Variants in FSTL5 observed in about 807,000 individuals in gnomAD.
The protein encoded by FSTL5 is follistatin like 5.
A neutral mutation model predicts 89.1 loss-of-function variants in FSTL5; 62 were observed. That is an observed-to-expected ratio of 0.70 (90% confidence interval 0.57 to 0.86). FSTL5 has a LOEUF of 0.86. Among genes scored for constraint, FSTL5 ranks in the 40% least tolerant of loss-of-function variants. The pLI, the probability that FSTL5 is intolerant of heterozygous loss-of-function variation, is 0.00. For missense variants in FSTL5, 1,057 were observed against 1,001.6 expected, an observed-to-expected ratio of 1.06 and a Z score of -0.75; for synonymous variants, 383 against 346.2, an observed-to-expected ratio of 1.11 and a Z score of -1.18.
At chr4:161,567,801 T>A (rs555778030) in intron 8 of FSTL5, among the ~76,000 whole-genome samples, 144 of 36,194 alleles carry the variant, frequency 4.0e-3, no homozygotes, top group African/African-American at 0.014. Context: ...AACAAGAGAA[T>A]CTACACGTCT....
Position 161,542,527 on chromosome 4 carries a change from A to C in FSTL5, c.1177+5T>G. 1 of 1,431,336 alleles carries C rather than the reference A, an allele frequency of 7.0e-7. No homozygotes were observed. Among genetic ancestry groups the C allele is most frequent in the South Asian group, 1.7e-5 (1 of 60,562 alleles). 88.7% of individuals were successfully genotyped at this position (1,431,336 alleles called of 1,614,324 possible). On this transcript the variant is annotated splice_donor_5th_base_variant and intron_variant, in intron 9 of 15. Coordinates refer to ENST00000306100, the MANE Select transcript of FSTL5 (RefSeq NM_020116.5). ...TTAAGAGAAAAAAAAGCAAGTAAAA[A>C]GCACCTTGAAGCGTGAGTTGTTTGG...
chr4:161,389,138 A>G (rs1451581324), intron 15 of FSTL5, among the ~76,000 whole-genome samples: 1 of 152,056 alleles, frequency 6.6e-6, no homozygotes, highest in Non-Finnish European at 1.5e-5. Flanking sequence ...TGATATTCAG[A>G]AGTCTCCCAC....
chr4:162,088,311 G>A (rs1278947817), intron 2 of FSTL5, among the ~76,000 whole-genome samples: 5 of 151,894 alleles, frequency 3.3e-5, no homozygotes, highest in Non-Finnish European at 7.4e-5. Flanking sequence ...ATACAGAAAT[G>A]TATAGAATTA....
chr4:161,942,814 A>G (rs993189478), intron 3 of FSTL5, among the ~76,000 whole-genome samples: 11 of 152,154 alleles, frequency 7.2e-5, no homozygotes, highest in African/African-American at 1.9e-4. Flanking sequence ...CACTGCACTA[A>G]AAGATCTAGA....
chr4:162,161,871 A>G (rs1733710085), intron 1 of FSTL5, among the ~76,000 whole-genome samples: 2 of 152,094 alleles, frequency 1.3e-5, no homozygotes, highest in East Asian at 3.8e-4. Flanking sequence ...TAACAAGAAC[A>G]TTTCAAAATT....
intron 2 of FSTL5, among the ~76,000 whole-genome samples, chr4:162,071,936 A>T (rs1038407509): frequency 2.6e-5 from 4 of 151,762 alleles, no homozygotes; most frequent in Non-Finnish European, 4.4e-5. Flanking sequence ...GAAAATAAAA[A>T]ATTCCTTAAT....
At chr4:161,951,186 T>G (rs1734883965) in intron 3 of FSTL5, among the ~76,000 whole-genome samples, 1 of 152,104 alleles carries the variant, frequency 6.6e-6, no homozygotes, top group East Asian at 1.9e-4. Flanking sequence ...ACCATGATTG[T>G]GAGGCCTCCC....
At chr4:161,843,498 G>A (rs1408207337) in intron 4 of FSTL5, among the ~76,000 whole-genome samples, 1 of 151,952 alleles carries the variant, frequency 6.6e-6, no homozygotes, top group African/African-American at 2.4e-5. Context: ...TGTATTCCTA[G>A]GTATTTTATT....
intron 6 of FSTL5, among the ~76,000 whole-genome samples, chr4:161,658,429 AG>A (rs1736594431): frequency 6.6e-6 from 1 of 151,982 alleles, no homozygotes; most frequent in Non-Finnish European, 1.5e-5. Flanking sequence ...ACTGCACTCC[AG>A]CCTGTGTGTC....
chr4:162,036,837 G>GT (rs1431114058), intron 2 of FSTL5, among the ~76,000 whole-genome samples: 3 of 151,796 alleles, frequency 2.0e-5, no homozygotes, highest in Admixed American at 1.3e-4. Flanking sequence ...TAGATAAAAC[G>GT]TTTTTTGGTG....
intron 15 of FSTL5, among the ~76,000 whole-genome samples, chr4:161,437,457 C>T (rs1732599384): frequency 6.7e-6 from 1 of 150,276 alleles, no homozygotes; most frequent in Admixed American, 6.7e-5. Flanking sequence ...GTCCCAGCTA[C>T]TCGGGAGGCT....
chr4:161,428,796 C>T (rs951966654), intron 15 of FSTL5, among the ~76,000 whole-genome samples: 1 of 152,104 alleles, frequency 6.6e-6, no homozygotes, highest in African/African-American at 2.4e-5. Flanking sequence ...GAAGCACATT[C>T]CCAGCTGTGG....
chr4:161,777,909 C>T (rs1741475409), intron 4 of FSTL5, among the ~76,000 whole-genome samples: 1 of 152,074 alleles, frequency 6.6e-6, no homozygotes. Context: ...GCCTGGCCAA[C>T]ATGGTGAAAC....
At chr4:162,080,703 T>C (rs1364131196) in intron 2 of FSTL5, among the ~76,000 whole-genome samples, 1 of 151,656 alleles carries the variant, frequency 6.6e-6, no homozygotes, top group Non-Finnish European at 1.5e-5. Flanking sequence ...TGAGTATCAA[T>C]ATTTTGAAAC....
At chr4:162,099,840 T>A (rs1397535673) in intron 2 of FSTL5, among the ~76,000 whole-genome samples, 1 of 152,310 alleles carries the variant, frequency 6.6e-6, no homozygotes, top group South Asian at 2.1e-4. Context: ...TTAAACATCA[T>A]ATGTCATTAG....
At chr4:161,877,927 T>G (rs549718041) in intron 4 of FSTL5, among the ~76,000 whole-genome samples, 1 of 151,832 alleles carries the variant, frequency 6.6e-6, no homozygotes, top group Non-Finnish European at 1.5e-5. Context: ...GTGCTGGGAT[T>G]ACAGGCATGA....
intron 10 of FSTL5, among the ~76,000 whole-genome samples, chr4:161,526,360 T>C (rs1382850070): frequency 1.3e-5 from 2 of 152,218 alleles, no homozygotes; most frequent in East Asian, 1.9e-4. Flanking sequence ...TTGTAGAATG[T>C]TTCCAAAGGA....
chr4:162,083,630 T>A (rs903035097), intron 2 of FSTL5, among the ~76,000 whole-genome samples: 1 of 151,778 alleles, frequency 6.6e-6, no homozygotes, highest in African/African-American at 2.4e-5. Flanking sequence ...AATAGGAAAA[T>A]CCATGTCACT....
intron 5 of FSTL5, among the ~76,000 whole-genome samples, chr4:161,769,987 TA>T (rs1741151881): frequency 6.6e-6 from 1 of 151,640 alleles, no homozygotes; most frequent in Non-Finnish European, 1.5e-5. Context: ...GATGAATGGA[TA>T]AAGAAAATGT....
Sources: allele counts gnomAD v4.1 joint callset (sites outside exome capture counted in the v4.1 genomes callset), GRCh38; gene constraint gnomAD v4.1.1; transcripts MANE v1.5; gene names NCBI Gene and HGNC (gene_info 2026-07-23, HGNC 2026-07-21).